Variants in IL1RAPL2 observed in about 807,000 individuals in gnomAD.
IL1RAPL2 encodes the protein X-linked interleukin-1 receptor accessory protein-like 2.
Under a neutral mutation model 44.1 loss-of-function variants are expected in IL1RAPL2, and 3 were observed. That is an observed-to-expected ratio of 0.07 (90% confidence interval 0.03 to 0.18). The LOEUF (loss-of-function observed/expected upper bound fraction) is 0.18, where lower values mean the gene tolerates loss of function less well. Ranked by LOEUF, IL1RAPL2 falls within the 10% of genes least tolerant of loss-of-function variation. The pLI is 1.00. For missense variants in IL1RAPL2, 391 were observed against 496.4 expected (o/e 0.79, Z 2.02); for synonymous variants, 181 against 178.8 (o/e 1.01, Z -0.10).
rs184411924 is a variant in IL1RAPL2 at position 105,332,891 on chromosome X, C to T, written c.697+65350C>T. On this transcript the variant is annotated intron_variant, in intron 5 of 10. Coordinates refer to ENST00000372582, the MANE Select transcript of IL1RAPL2 (RefSeq NM_017416.2). ...GGACACCAAAAATTGGACAAATATT[C>T]CATGTTCATGGATTAGAAGAATCAA... Among the ~76,000 whole-genome samples, 384 of 111,505 alleles carry T rather than the reference C, an allele frequency of 3.4e-3. 1 individual carries two copies. The highest frequency in any genetic ancestry group is 3.7e-3 in the Non-Finnish European group (197 of 53,034).
chrX:105,096,429 G>T (rs2032604153), intron 2 of IL1RAPL2, among the ~76,000 whole-genome samples: 1 of 112,119 alleles, frequency 8.9e-6, no homozygotes, highest in Non-Finnish European at 1.9e-5. Context: ...ATAACAGCCA[G>T]AAAGTGGAAA....
chrX:104,829,116 C>T (rs1049066112), intron 2 of IL1RAPL2, among the ~76,000 whole-genome samples: 1 of 111,808 alleles, frequency 8.9e-6, no homozygotes, highest in African/African-American at 3.3e-5. Flanking sequence ...CTGGCTTCAG[C>T]CCCCTTTCCA....
intron 3 of IL1RAPL2, among the ~76,000 whole-genome samples, chrX:105,199,204 T>C (rs1675379116): frequency 9.0e-6 from 1 of 111,158 alleles, no homozygotes; most frequent in Non-Finnish European, 1.9e-5. Context: ...GTAATGCAAT[T>C]CTACTTAATT....
intron 5 of IL1RAPL2, among the ~76,000 whole-genome samples, chrX:105,471,343 C>T (rs916145064): frequency 8.9e-6 from 1 of 112,070 alleles, no homozygotes; most frequent in Non-Finnish European, 1.9e-5. Context: ...TCAACTACAA[C>T]ATCTTAGAGT....
chrX:104,842,770 T>G (rs779560107), intron 2 of IL1RAPL2, among the ~76,000 whole-genome samples: 11 of 112,578 alleles, frequency 9.8e-5, no homozygotes, highest in African/African-American at 3.5e-4. Context: ...GGAAGCTCCC[T>G]CCCAGAGGGG....
At chrX:104,892,263 T>G (rs200152617) in intron 2 of IL1RAPL2, among the ~76,000 whole-genome samples, 2 of 111,717 alleles carry the variant, frequency 1.8e-5, no homozygotes, top group Non-Finnish European at 3.8e-5. Context: ...TCTCTTTTTT[T>G]GTTGTGTCTC....
chrX:104,589,503 C>A (rs1928624083), intron 1 of IL1RAPL2, among the ~76,000 whole-genome samples: 1 of 112,310 alleles, frequency 8.9e-6, no homozygotes, highest in Non-Finnish European at 1.9e-5. Flanking sequence ...TTTGGCAACA[C>A]CCTCACAGAC....
At chrX:104,833,143 T>G in intron 2 of IL1RAPL2, among the ~76,000 whole-genome samples, 1 of 111,258 alleles carries the variant, frequency 9.0e-6, no homozygotes, top group African/African-American at 3.3e-5. Flanking sequence ...GTTGTTTGTT[T>G]GTTTGTTTGT....
intron 2 of IL1RAPL2, among the ~76,000 whole-genome samples, chrX:104,694,504 A>T (rs1602684392): frequency 9.0e-6 from 1 of 111,426 alleles, no homozygotes; most frequent in East Asian, 2.8e-4. Context: ...AACCTATAGA[A>T]CTCTTTGTAG....
chrX:105,078,230 T>A (rs1416220054), intron 2 of IL1RAPL2, among the ~76,000 whole-genome samples: 1 of 111,844 alleles, frequency 8.9e-6, no homozygotes, highest in Non-Finnish European at 1.9e-5. Flanking sequence ...GTCCTTTCTG[T>A]TTGTCAGTTT....
At chrX:105,027,110 G>A (rs1252461872) in intron 2 of IL1RAPL2, among the ~76,000 whole-genome samples, 3 of 111,376 alleles carry the variant, frequency 2.7e-5, no homozygotes, top group Non-Finnish European at 3.8e-5. Flanking sequence ...CTGGGAAGAC[G>A]ATATCCATAT....
At chrX:105,445,739 G>A (rs761643551) in intron 5 of IL1RAPL2, among the ~76,000 whole-genome samples, 16 of 111,338 alleles carry the variant, frequency 1.4e-4, no homozygotes, top group Non-Finnish European at 2.8e-4. Flanking sequence ...TATTGCAATT[G>A]TAGTCAGAGA....
intron 2 of IL1RAPL2, among the ~76,000 whole-genome samples, chrX:104,939,050 CTTTT>C (rs60881835): frequency 6.1e-5 from 5 of 81,497 alleles, no homozygotes; most frequent in Non-Finnish European, 1.1e-4. Context: ...TGCATGCTAG[CTTTT>C]TTTTTTTTTT....
intron 2 of IL1RAPL2, among the ~76,000 whole-genome samples, chrX:105,058,222 A>G (rs1195595063): frequency 9.0e-6 from 1 of 110,506 alleles, no homozygotes; most frequent in Non-Finnish European, 1.9e-5. Flanking sequence ...AAGCGCTGGG[A>G]TTACAGGCGT....
At chrX:104,916,164 A>T (rs1429860552) in intron 2 of IL1RAPL2, among the ~76,000 whole-genome samples, 78 of 111,535 alleles carry the variant, frequency 7.0e-4, no homozygotes, top group African/African-American at 2.3e-3. Flanking sequence ...TTGGGCAGTG[A>T]GGCCATTTTC....
chrX:105,409,466 G>T (rs921338328), intron 5 of IL1RAPL2, among the ~76,000 whole-genome samples: 5 of 111,632 alleles, frequency 4.5e-5, no homozygotes, highest in African/African-American at 1.6e-4. Context: ...ATACTCTTTT[G>T]GGAGAGAGAA....
At chrX:104,960,025 G>GTT (rs1247558570) in intron 2 of IL1RAPL2, among the ~76,000 whole-genome samples, 2 of 111,486 alleles carry the variant, frequency 1.8e-5, no homozygotes, top group Non-Finnish European at 3.8e-5. Flanking sequence ...TTAAGTCTTT[G>GTT]TAGCCATATA....
chrX:105,637,014 T>C (rs1257685617), intron 6 of IL1RAPL2, among the ~76,000 whole-genome samples: 1 of 111,055 alleles, frequency 9.0e-6, no homozygotes, highest in African/African-American at 3.3e-5. Context: ...GCACTAAGTC[T>C]AACCTCTGGG....
At chrX:105,193,426 A>G (rs2147611305) in intron 2 of IL1RAPL2, among the ~76,000 whole-genome samples, 1 of 112,130 alleles carries the variant, frequency 8.9e-6, no homozygotes, top group East Asian at 2.8e-4. Context: ...TTTCTAACAT[A>G]CTTATATCAT....
Sources: allele counts gnomAD v4.1 joint callset (sites outside exome capture counted in the v4.1 genomes callset), GRCh38; gene constraint gnomAD v4.1.1; transcripts MANE v1.5; gene names NCBI Gene and HGNC (gene_info 2026-07-23, HGNC 2026-07-21).